The following THAP7 variants were observed in gnomAD, a reference collection of about 807,000 sequenced individuals.
The protein encoded by THAP7 is THAP domain containing 7, also known as THAP domain-containing protein 7.
THAP7 carries 22 observed loss-of-function variants against 29.2 expected under a neutral mutation model. The observed-to-expected ratio is 0.75, with a 90% CI of 0.54 to 1.08. THAP7 has a LOEUF of 1.08. Ranked by LOEUF, THAP7 falls within the 50% of genes least tolerant of loss-of-function variation. The pLI is 0.00. For missense variants in THAP7, 448 were observed against 416.2 expected, an observed-to-expected ratio of 1.08 and a Z score of -0.66; for synonymous variants, 208 against 173.4, an observed-to-expected ratio of 1.20 and a Z score of -1.57.
At position 20,999,823 on chromosome 22, in the gene THAP7, G is replaced by C. The variant is rs1445810716; in HGVS notation, c.*57C>G. 5 of 1,541,102 alleles carry C rather than the reference G, an allele frequency of 3.2e-6. No homozygotes were observed. Among genetic ancestry groups the C allele is most frequent in the African/African-American group, 1.4e-5 (1 of 73,360 alleles). On this transcript the variant is annotated 3_prime_UTR_variant, in exon 4 of 4. Coordinates refer to ENST00000215742, the MANE Select transcript of THAP7 (RefSeq NM_030573.3). ...GCACCTGGTGGGTCTGGTGGGATCT[G>C]AGGGAGGAAGAGGCTGCAGTCTTGC...
rs764027670 is a variant in THAP7, at chr22:21,000,032, C to T, written c.778G>A (p.Ala260Thr). ...AGCCGCTGCTCCCGCCGCTTGCAGGCCTGCAGCTGGCGCTGGGCCTTGTCA... is the reference window on the plus strand; with the variant it reads ...AGCCGCTGCTCCCGCCGCTTGCAGGTCTGCAGCTGGCGCTGGGCCTTGTCA... ...ALDKAQRQLQACKRREQRLRL... is the reference protein window; with the variant it reads ...ALDKAQRQLQTCKRREQRLRL... The change falls in exon 4 of 4, where the codon GCC (alanine) becomes ACC (threonine). Residue 260 changes from alanine (A) to threonine (T), a missense_variant. Ala to Thr is a moderately conservative substitution (Grantham distance 58). Coordinates refer to ENST00000215742, the MANE Select transcript of THAP7 (RefSeq NM_030573.3). The T allele has an allele frequency of 1.2e-6, 2 of 1,612,938 alleles. No homozygotes were observed. Among genetic ancestry groups the T allele is most frequent in the Non-Finnish European group, 1.7e-6 (2 of 1,179,946 alleles).
chr22:21,000,279 G>A lies in THAP7; in HGVS notation c.531C>T (p.Asp177=). 1.3e-6 allele frequency: 2 copies of A among 1,557,748 alleles called. No individual in the cohort carries two copies. Among genetic ancestry groups the A allele is most frequent in the Non-Finnish European group, 8.7e-7 (1 of 1,150,882 alleles). The change falls in exon 4 of 4, where the codon GAC becomes GAT. Residue 177 remains aspartate, a synonymous_variant. Coordinates refer to ENST00000215742, the MANE Select transcript of THAP7 (RefSeq NM_030573.3). ...LEPGLSSPFS[D]LLGPLGAQAD... is the part of the protein sequence containing the mutation. ...CCTGGGCACCCAAGGGGCCCAGTAG[G>A]TCTGAAAAGGGGCTGCTAAGGCCAG...
Position 21,001,889 on chromosome 22 carries a change from G to T in THAP7, c.23C>A (p.Ala8Asp). ...GCGCGTGTCCCGTGTGCAGCAGCCG[G>T]CGGCGGAGCAGTGACGCGGCATCTG... is the stretch of plus-strand genomic sequence containing the variant. MPRHCSAAGCCTRDTRET... is the reference protein window; with the variant it reads MPRHCSADGCCTRDTRET... Residue 8 changes from alanine to aspartate, a missense_variant, in exon 1 of 4, where the codon GCC (alanine) becomes GAC (aspartate). Transcript: ENST00000215742. 1 of 1,573,674 alleles carries T rather than the reference G, an allele frequency of 6.4e-7. No individual in the cohort carries two copies. The highest frequency in any genetic ancestry group is 8.6e-7 in the Non-Finnish European group (1 of 1,160,932).
In THAP7 at chr22:20,999,607, G is replaced by C. The variant is rs1425676911; in HGVS notation, c.*273C>G. The C allele has an allele frequency of 6.0e-6, 3 of 504,058 alleles. No individual in the cohort carries two copies. Among genetic ancestry groups the C allele is most frequent in the Non-Finnish European group, 7.1e-6 (2 of 281,238 alleles). The allele number at this position is 504,058 out of a possible 1,614,324, so 31.2% of individuals were successfully genotyped here. A position where few individuals can be genotyped will look rare whatever the true frequency, so the allele number is the denominator to read the frequency against. On this transcript the variant is annotated 3_prime_UTR_variant, in exon 4 of 4. Coordinates refer to ENST00000215742, the MANE Select transcript of THAP7 (RefSeq NM_030573.3). Reference sequence around the variant, plus strand: ...GGCACGGAGCTGCGCTAGCAGGGCTGACTGCCACCTGTCTACCAGTAGCTC... The same window carrying C: ...GGCACGGAGCTGCGCTAGCAGGGCTCACTGCCACCTGTCTACCAGTAGCTC...
At position 20,999,638 on chromosome 22, in the gene THAP7, G is replaced by A. The variant is rs911697989; in HGVS notation, c.*242C>T. 8.9e-6 allele frequency: 5 copies of A among 558,980 alleles called. No homozygotes were observed. The highest frequency in any genetic ancestry group is 6.5e-5 in the Admixed American group (2 of 30,702). 34.6% of individuals were successfully genotyped at this position (558,980 alleles called of 1,614,324 possible). A position where few individuals can be genotyped will look rare whatever the true frequency, so the allele number is the denominator to read the frequency against. On this transcript the variant is annotated 3_prime_UTR_variant, in exon 4 of 4. Transcript: ENST00000215742. ...CACCTGTCTACCAGTAGCTCTGAGG[G>A]GTGAGAGCCAGGCTCCCTGTTCTCC...
chr22:21,001,027 A>C, intron 2 of THAP7: 1 of 847,700 alleles, frequency 1.2e-6, no homozygotes, highest in Non-Finnish European at 1.8e-6. Flanking sequence ...TGATTTGTGG[A>C]CTTGCTGGCA....
In THAP7 at chr22:21,000,156, C is replaced by A; in HGVS notation, c.654G>T (p.Leu218=). 1.3e-6 allele frequency: 2 copies of A among 1,588,136 alleles called. No homozygotes were observed. Among genetic ancestry groups the A allele is most frequent in the South Asian group, 1.1e-5 (1 of 88,608 alleles). ...PVSPSAYMLR[L]PPPAGAYIQN... The stretch of plus-strand genomic sequence containing the variant: ...GGATGTAGGCTCCGGCGGGTGGGGG[C>A]AGGCGCAGCATATACGCTGAGGGGG... The change falls in exon 4 of 4, where the codon CTG becomes CTT. Residue 218 remains leucine, a synonymous_variant. Coordinates refer to ENST00000215742, the MANE Select transcript of THAP7 (RefSeq NM_030573.3).
intron 3 of THAP7, 34 bp from the exon 4 acceptor site, chr22:21,000,466 G>C (rs967995487): frequency 1.3e-6 from 2 of 1,539,304 alleles, no homozygotes; most frequent in African/African-American, 2.7e-5. Context: ...TGATGGGCTA[G>C]GCTGAGGGCT....
rs1405899665 is a variant in THAP7, at chr22:21,001,904, C to T, written c.8G>A (p.Arg3His). 6 of 1,568,782 alleles carry T rather than the reference C, an allele frequency of 3.8e-6. No homozygotes were observed. The highest frequency in any genetic ancestry group is 5.2e-6 in the Non-Finnish European group (6 of 1,158,554). The change falls in exon 1 of 4, where the codon CGT (arginine) becomes CAT (histidine). Residue 3 changes from arginine to histidine, a missense_variant. Physicochemically the swap from Arg to His is conservative, Grantham distance 29 (BLOSUM62 0). Transcript: ENST00000215742. ...GCAGCAGCCGGCGGCGGAGCAGTGA[C>T]GCGGCATCTGGGAAAGAGGCGGGAG... MP[R>H]HCSAAGCCTR...
chr22:21,001,695 G>T, intron 1 of THAP7, 137 bp downstream of exon 1: 1 of 1,072,818 alleles, frequency 9.3e-7, no homozygotes, highest in Non-Finnish European at 1.3e-6. Flanking sequence ...CGCCGGGACC[G>T]TTCCGCTTCA....
chr22:21,001,985 G>A lies in THAP7; in HGVS notation c.-74C>T. ...GAGGAGCCTCGCGCCTCCAGCCGCC[G>A]CTCCTCCCCAAGGGGCTCTGGCCTG... On this transcript the variant is annotated 5_prime_UTR_variant, in exon 1 of 4. Transcript: ENST00000215742. The A allele has an allele frequency of 2.1e-6, 3 of 1,440,252 alleles. No individual in the cohort carries two copies. Among genetic ancestry groups the A allele is most frequent in the Middle Eastern group, 1.8e-4 (1 of 5,432 alleles). 89.2% of individuals were successfully genotyped at this position (1,440,252 alleles called of 1,614,324 possible). A position where few individuals can be genotyped will look rare whatever the true frequency, so the allele number is the denominator to read the frequency against.
At chr22:21,000,555 C>A in intron 3 of THAP7, 92 bp downstream of exon 3, 1 of 1,590,060 alleles carries the variant, frequency 6.3e-7, no homozygotes, top group Non-Finnish European at 8.6e-7. Context: ...GTAGCAAGAA[C>A]CCTGTCCAGC....
At chr22:21,001,064 T>G in intron 2 of THAP7, 192 bp downstream of exon 2, 1 of 912,748 alleles carries the variant, frequency 1.1e-6, no homozygotes, top group South Asian at 1.7e-5. Context: ...AGATACTCTC[T>G]GGAAAGGCTC....
In THAP7 at chr22:21,000,906, G is replaced by T. The variant is rs937342316; in HGVS notation, c.237-119C>A. ...GCATCGTGCAAACAATACGTCTGGG[G>T]AACGCCAAGTTACAGCTACACCAAT... On this transcript the variant is annotated intron_variant, in intron 2 of 3. Coordinates refer to ENST00000215742, the MANE Select transcript of THAP7 (RefSeq NM_030573.3). The T allele has an allele frequency of 1.4e-5, 21 of 1,485,056 alleles. No individual in the cohort carries two copies. In the Admixed American group the frequency reaches 2.5e-4, roughly 18 times the overall value. The allele number at this position is 1,485,056 out of a possible 1,614,324, so 92.0% of individuals were successfully genotyped here. A position where few individuals can be genotyped will look rare whatever the true frequency, so the allele number is the denominator to read the frequency against.
At chr22:21,001,554 G>A (rs984947668) in intron 1 of THAP7, 143 bp from the exon 2 acceptor site, 2 of 1,295,500 alleles carry the variant, frequency 1.5e-6, no homozygotes, top group African/African-American at 1.5e-5. Context: ...ACCACCGCCC[G>A]GGCACAGACG....
In THAP7 at chr22:21,001,092, C is replaced by T. The variant is rs1177307262; in HGVS notation, c.236+164G>A. On this transcript the variant is annotated intron_variant, in intron 2 of 3. Transcript: ENST00000215742. ...AAAGGCTCCTGTTTTCCCCTTGTGT[C>T]ACAGGCACAGTGATCCTGGGGGTGG... 9 of 1,087,940 alleles carry T rather than the reference C, an allele frequency of 8.3e-6. No homozygotes were observed. The East Asian group carries it at 1.5e-4, about 18-fold the overall frequency. 67.4% of individuals were successfully genotyped at this position (1,087,940 alleles called of 1,614,324 possible). A position where few individuals can be genotyped will look rare whatever the true frequency, so the allele number is the denominator to read the frequency against.
At position 21,001,423 on chromosome 22, in the gene THAP7, C is replaced by A. The variant is rs374171737; in HGVS notation, c.81-12G>T. The stretch of plus-strand genomic sequence containing the variant: ...CCTTCTTGGGAAGTCTGTGGAGCCA[C>A]AAACCCGTGAGCACCAGGCTGTCCA... On this transcript the variant is annotated splice_polypyrimidine_tract_variant and intron_variant, in intron 1 of 3. Coordinates refer to ENST00000215742, the MANE Select transcript of THAP7 (RefSeq NM_030573.3). The A allele has an allele frequency of 1.7e-4, 277 of 1,612,624 alleles. 1 individual carries two copies. Among genetic ancestry groups the A allele is most frequent in the Admixed American group, 8.7e-4 (52 of 59,960 alleles).
At chr22:21,001,142 A>T in intron 2 of THAP7, 114 bp downstream of exon 2, 1 of 1,462,818 alleles carries the variant, frequency 6.8e-7, no homozygotes. Flanking sequence ...AGCTGGGAAC[A>T]GGAAACAGCC....
rs1312540365 is a variant in THAP7 at position 21,001,357 on chromosome 22, C to T, written c.135G>A (p.Arg45=). 2.5e-5 allele frequency: 40 copies of T among 1,613,504 alleles called. No individual in the cohort carries two copies. Among genetic ancestry groups the T allele is most frequent in the Non-Finnish European group, 3.4e-5 (40 of 1,180,004 alleles). The change falls in exon 2 of 4, where the codon CGG becomes CGA. Residue 45 remains arginine (R), a synonymous_variant. Coordinates refer to ENST00000215742, the MANE Select transcript of THAP7 (RefSeq NM_030573.3). ...RRGLWLANCQ[R]LDPSGQGLWD... is the part of the protein sequence containing the mutation. ...ACAGGCCCTGGCCGCTGGGGTCCAG[C>T]CGCTGGCAGTTGGCCAGCCACAAGC...
Sources: gnomAD v4.1 joint callset for allele counts on GRCh38, gnomAD v4.1.1 for gene constraint, MANE v1.5 for transcripts, NCBI Gene and HGNC (gene_info 2026-07-23, HGNC 2026-07-21) for gene names.